Variants in COG6 observed in about 807,000 individuals in gnomAD.
COG6 encodes the protein component of oligomeric golgi complex 6.
In COG6, 74 loss-of-function variants were observed where a neutral mutation model predicts 88.8. The observed-to-expected ratio is 0.83, with a 90% CI of 0.69 to 1.01. The LOEUF (loss-of-function observed/expected upper bound fraction) is 1.01. Among genes scored for constraint, COG6 ranks in the 50% least tolerant of loss-of-function variants. The pLI is 0.00. For synonymous variants in COG6, 286 were observed against 278.7 expected, an observed-to-expected ratio of 1.03 and a Z score of -0.26; for missense variants, 800 against 797.9, an observed-to-expected ratio of 1.00 and a Z score of -0.03.
intron 13 of COG6, among the ~76,000 whole-genome samples, chr13:39,706,764 ACCT>A (rs1459203551): frequency 1.3e-5 from 2 of 150,894 alleles, no homozygotes; most frequent in African/African-American, 2.4e-5. Flanking sequence ...GCTCACTGCA[ACCT>A]CCTCCTCCTG....
chr13:39,777,310 G>A (rs868049433), intron 18 of COG6, among the ~76,000 whole-genome samples: 46 of 152,144 alleles, frequency 3.0e-4, no homozygotes, highest in African/African-American at 1.0e-3. Context: ...AAGGAACGAG[G>A]GCAGAGGTCA....
At chr13:39,681,141 A>G (rs1284647252) in intron 7 of COG6, among the ~76,000 whole-genome samples, 30 of 152,226 alleles carry the variant, frequency 2.0e-4, no homozygotes, top group Non-Finnish European at 1.5e-5. Flanking sequence ...ACAGGAGCAC[A>G]TATTTTAATA....
At chr13:39,669,308 C>A (rs1275003295) in intron 4 of COG6, among the ~76,000 whole-genome samples, 2 of 152,206 alleles carry the variant, frequency 1.3e-5, no homozygotes, top group African/African-American at 2.4e-5. Flanking sequence ...AACACAAAAA[C>A]AAGCATTACT....
At chr13:39,666,529 AG>A (rs1377729571) in intron 4 of COG6, among the ~76,000 whole-genome samples, 4 of 152,242 alleles carry the variant, frequency 2.6e-5, no homozygotes, top group African/African-American at 9.6e-5. Context: ...ACACTGCCCT[AG>A]ACCAAAAATG....
intron 13 of COG6, among the ~76,000 whole-genome samples, chr13:39,700,163 G>A (rs1877498920): frequency 6.6e-6 from 1 of 151,856 alleles, no homozygotes; most frequent in East Asian, 1.9e-4. Context: ...AGGACCTTAA[G>A]GAATAGACTT....
chr13:39,788,742 GT>G (rs879295387), exon 19 of COG6: 45 of 169,598 alleles, frequency 2.7e-4, no homozygotes, highest in Admixed American at 1.8e-3. Flanking sequence ...TAACTTTAGT[GT>G]TCATAGATTG....
At chr13:39,718,227 A>T (rs1878641471) in intron 13 of COG6, among the ~76,000 whole-genome samples, 1 of 152,046 alleles carries the variant, frequency 6.6e-6, no homozygotes, top group Non-Finnish European at 1.5e-5. Flanking sequence ...ATTTTTGGAC[A>T]TGCTTACTTT....
chr13:39,657,991 C>T (rs1044192706), intron 1 of COG6, among the ~76,000 whole-genome samples: 3 of 151,722 alleles, frequency 2.0e-5, no homozygotes, highest in South Asian at 2.1e-4. Context: ...AAACTGGTTC[C>T]GCTCTCACTA....
At chr13:39,778,509 G>A (rs1482046004) in intron 18 of COG6, among the ~76,000 whole-genome samples, 1 of 152,188 alleles carries the variant, frequency 6.6e-6, no homozygotes, top group Admixed American at 6.5e-5. Context: ...AATCTCCTTA[G>A]TATCAGGAGA....
At chr13:39,709,122 T>C (rs1878100410) in intron 13 of COG6, among the ~76,000 whole-genome samples, 1 of 152,158 alleles carries the variant, frequency 6.6e-6, no homozygotes, top group Non-Finnish European at 1.5e-5. Context: ...AATTGAGTTT[T>C]TACTAAATGT....
chr13:39,661,483 C>T (rs1352920638), intron 3 of COG6, among the ~76,000 whole-genome samples: 2 of 152,188 alleles, frequency 1.3e-5, no homozygotes, highest in East Asian at 3.9e-4. Context: ...TCTCTTGGAA[C>T]GATTGACATC....
At chr13:39,699,132 T>C (rs1216954005) in intron 12 of COG6, among the ~76,000 whole-genome samples, 1 of 151,786 alleles carries the variant, frequency 6.6e-6, no homozygotes, top group Admixed American at 6.6e-5. Flanking sequence ...GAGCTGTTGA[T>C]TCAGTGCTCT....
At chr13:39,746,453 T>G (rs1016897080) in intron 18 of COG6, among the ~76,000 whole-genome samples, 1 of 152,160 alleles carries the variant, frequency 6.6e-6, no homozygotes, top group East Asian at 1.9e-4. Context: ...AAAAATTCAC[T>G]GTTTTCACTG....
At chr13:39,705,897 G>C (rs958051174) in intron 13 of COG6, among the ~76,000 whole-genome samples, 1 of 151,906 alleles carries the variant, frequency 6.6e-6, no homozygotes, top group Admixed American at 6.6e-5. Flanking sequence ...GAGAGGTGCT[G>C]TTCTGGTTGA....
chr13:39,709,812 T>G (rs1295698920), intron 13 of COG6, among the ~76,000 whole-genome samples: 1 of 152,174 alleles, frequency 6.6e-6, no homozygotes, highest in Non-Finnish European at 1.5e-5. Context: ...TTAGGTTGAT[T>G]CCGTATCTTC....
At chr13:39,722,127 A>G (rs1223054116) in intron 15 of COG6, among the ~76,000 whole-genome samples, 1 of 151,648 alleles carries the variant, frequency 6.6e-6, no homozygotes, top group African/African-American at 2.4e-5. Flanking sequence ...ACTTTAATCT[A>G]TTTCTTTGAT....
At chr13:39,741,498 A>C (rs1880040743) in intron 18 of COG6, among the ~76,000 whole-genome samples, 1 of 152,196 alleles carries the variant, frequency 6.6e-6, no homozygotes, top group African/African-American at 2.4e-5. Flanking sequence ...AAGTGGAAGA[A>C]AGGGTATCAG....
At position 39,702,107 on chromosome 13, in the gene COG6, G is replaced by T. The variant is rs1420320589; in HGVS notation, c.1284+2489G>T. Among the ~76,000 whole-genome samples, 3 of 152,078 alleles carry T rather than the reference G, an allele frequency of 2.0e-5. No individual in the cohort carries two copies. The East Asian group carries it at 5.8e-4, about 29-fold the overall frequency. ...ATCTGAAAATCAGAATAAGATGAATGCTTTTTAAGGTGACATAAATTGGTA... is the reference window on the plus strand; with the variant it reads ...ATCTGAAAATCAGAATAAGATGAATTCTTTTTAAGGTGACATAAATTGGTA... On this transcript the variant is annotated intron_variant, in intron 13 of 18. Coordinates refer to ENST00000455146, the MANE Select transcript of COG6 (RefSeq NM_020751.3).
Position 39,655,809 on chromosome 13 carries a change from C to G in COG6, c.83C>G (p.Ser28Trp). The G allele has an allele frequency of 1.3e-6, 2 of 1,599,356 alleles. No individual in the cohort carries two copies. The highest frequency in any genetic ancestry group is 1.7e-6 in the Non-Finnish European group (2 of 1,173,720). ...CTCAACAATGGGGCAGGCGGGACCT[C>G]GGCGACGACCTGCAACCCGCTGTCG... is the stretch of plus-strand genomic sequence containing the variant. Reference protein sequence around the residue: ...NGLNNGAGGTSATTCNPLSRK... With the variant: ...NGLNNGAGGTWATTCNPLSRK... The change falls in exon 1 of 19, where the codon TCG becomes TGG. Residue 28 changes from serine (S) to tryptophan (W), a missense_variant. Transcript: ENST00000455146.
Sources: gnomAD v4.1 joint callset for allele counts (sites outside exome capture counted in the v4.1 genomes callset) on GRCh38, gnomAD v4.1.1 for gene constraint, MANE v1.5 for transcripts, NCBI Gene and HGNC (gene_info 2026-07-23, HGNC 2026-07-21) for gene names.